The following BAZ1B variants were observed in gnomAD, a reference collection of about 807,000 sequenced individuals.
BAZ1B encodes tyrosine-protein kinase BAZ1B.
A neutral mutation model predicts 153.8 loss-of-function variants in BAZ1B; 22 were observed. The ratio of observed to expected loss-of-function variants is 0.14; its 90% CI spans 0.10 to 0.20. The LOEUF (loss-of-function observed/expected upper bound fraction) is 0.20, where lower values mean the gene tolerates loss of function less well. Ranked by LOEUF, BAZ1B falls within the 10% of genes least tolerant of loss-of-function variation. The pLI is 1.00. For missense variants in BAZ1B, 1,325 were observed against 1,799.3 expected (o/e 0.74, Z 4.77); for synonymous variants, 676 against 633.4 (o/e 1.07, Z -1.01).
rs117830225 is a variant in BAZ1B, at chr7:73,494,457, G to C, written c.572-1536C>G. Among the ~76,000 whole-genome samples the C allele has an allele frequency of 4.7e-4, 71 of 152,206 alleles. 2 individuals carry two copies. In the East Asian group the frequency reaches 0.013, roughly 28 times the overall value. On this transcript the variant is annotated intron_variant, in intron 4 of 19. Transcript: ENST00000339594. ...TTGGAAGATACAATGCTAAACATCTGAATTAGGCTGGGCACACAGGCTCAC... is the reference window on the plus strand; with the variant it reads ...TTGGAAGATACAATGCTAAACATCTCAATTAGGCTGGGCACACAGGCTCAC...
intron 13 of BAZ1B, among the ~76,000 whole-genome samples, chr7:73,455,165 G>A (rs559805933): frequency 1.9e-4 from 29 of 151,998 alleles, no homozygotes; most frequent in African/African-American, 5.8e-4. Context: ...GATTACAGGC[G>A]TGAGCCACCG....
At chr7:73,442,136 T>TTCC in intron 19 of BAZ1B, 45 bp downstream of exon 19, 1 of 573,492 alleles carries the variant, frequency 1.7e-6, no homozygotes, top group Non-Finnish European at 3.2e-6. Context: ...CTCGCTCGCC[T>TTCC]CCCTCCCACC....
intron 5 of BAZ1B, among the ~76,000 whole-genome samples, chr7:73,489,896 C>T (rs901095133): frequency 1.3e-5 from 2 of 152,162 alleles, no homozygotes; most frequent in Admixed American, 6.6e-5. Context: ...AATATGTATA[C>T]CCTTTCAGCA....
At chr7:73,474,433 C>A (rs1348214306) in intron 7 of BAZ1B, among the ~76,000 whole-genome samples, 1 of 152,028 alleles carries the variant, frequency 6.6e-6, no homozygotes, top group Non-Finnish European at 1.5e-5. Context: ...TAAAATGAAC[C>A]TCATCAAATT....
chr7:73,490,534 T>C (rs554561106), intron 5 of BAZ1B, among the ~76,000 whole-genome samples: 1 of 152,300 alleles, frequency 6.6e-6, no homozygotes, highest in South Asian at 2.1e-4. Context: ...CCAATACTTA[T>C]ATTTGTGAAC....
chr7:73,495,548 T>A (rs1231318870), intron 4 of BAZ1B, among the ~76,000 whole-genome samples: 1 of 152,170 alleles, frequency 6.6e-6, no homozygotes, highest in Non-Finnish European at 1.5e-5. Context: ...GAGACAGTGG[T>A]ATCAAGCTAA....
intron 3 of BAZ1B, among the ~76,000 whole-genome samples, chr7:73,505,794 G>T (rs797023447): frequency 2.0e-5 from 3 of 152,236 alleles, no homozygotes; most frequent in African/African-American, 7.2e-5. Flanking sequence ...CAGGTGATCT[G>T]CCCACCTTGG....
chr7:73,498,941 A>T (rs1583939314), intron 3 of BAZ1B, among the ~76,000 whole-genome samples: 2 of 152,252 alleles, frequency 1.3e-5, no homozygotes, highest in East Asian at 3.8e-4. Context: ...TAAAATGCCA[A>T]TATACAAGGC....
chr7:73,505,636 A>C (rs940389115), intron 3 of BAZ1B, among the ~76,000 whole-genome samples: 1 of 152,088 alleles, frequency 6.6e-6, no homozygotes, highest in Non-Finnish European at 1.5e-5. Context: ...AGAGGGAAAA[A>C]AAAAAAACAG....
intron 1 of BAZ1B, among the ~76,000 whole-genome samples, chr7:73,520,273 G>A (rs908237945): frequency 1.3e-5 from 2 of 151,390 alleles, no homozygotes; most frequent in African/African-American, 2.4e-5. Context: ...AGAGCTAGTG[G>A]AACTTCTCCA....
chr7:73,451,435 G>A (rs184176311), intron 13 of BAZ1B, among the ~76,000 whole-genome samples: 33 of 152,250 alleles, frequency 2.2e-4, no homozygotes, highest in Non-Finnish European at 1.5e-4. Context: ...TCTCCTAAAG[G>A]AAAACAGCCA....
chr7:73,493,833 T>C (rs1554576008), intron 4 of BAZ1B, among the ~76,000 whole-genome samples: 1 of 141,350 alleles, frequency 7.1e-6, no homozygotes, highest in African/African-American at 2.7e-5. Flanking sequence ...AGTGAAACCC[T>C]GTCTCCAAAA....
chr7:73,442,854 A>G (rs1233997552), intron 17 of BAZ1B, 26 bp from the exon 18 acceptor site: 1 of 1,559,244 alleles, frequency 6.4e-7, no homozygotes, highest in Non-Finnish European at 8.8e-7. Flanking sequence ...GAACAATGTT[A>G]TTACAGATTC....
At position 73,477,798 on chromosome 7, in the gene BAZ1B, T is replaced by G; in HGVS notation, c.1663A>C (p.Lys555Gln). 6.2e-7 allele frequency: 1 copy of G among 1,614,208 alleles called. No homozygotes were observed. The highest frequency in any genetic ancestry group is 8.5e-7 in the Non-Finnish European group (1 of 1,180,038). ...EYLKKKREEL[K>Q]KKLKEKAKER... ...TTGGCTTTTTCCTTCAACTTCTTTT[T>G]CAGCTCCTCCCGTTTCTTTTTCAAA... Residue 555 changes from lysine (K) to glutamine (Q), a missense_variant, in exon 7 of 20, where the codon AAA becomes CAA. Lys to Gln is a moderately conservative substitution (Grantham distance 53). This residue lies in a region of BAZ1B where 154 missense variants were observed against 266.3 expected (regional missense o/e 0.58). Transcript: ENST00000339594. The surrounding 1 kb of genome is among the most constrained non-coding windows in gnomAD (Gnocchi z 5.6).
chr7:73,513,638 G>T (rs1790674241), intron 1 of BAZ1B, among the ~76,000 whole-genome samples: 1 of 152,116 alleles, frequency 6.6e-6, no homozygotes, highest in South Asian at 2.1e-4. Context: ...CTAGGGGAGT[G>T]GAAGGGATGG....
At chr7:73,492,306 G>A (rs1440959934) in intron 5 of BAZ1B, among the ~76,000 whole-genome samples, 1 of 152,160 alleles carries the variant, frequency 6.6e-6, no homozygotes, top group Non-Finnish European at 1.5e-5. Context: ...GGGACTACAT[G>A]CGCCCGCCAC....
intron 5 of BAZ1B, among the ~76,000 whole-genome samples, chr7:73,491,653 G>A (rs1563389886): frequency 6.6e-6 from 1 of 152,046 alleles, no homozygotes; most frequent in South Asian, 2.1e-4. Context: ...CAAGGCTTCT[G>A]ATCACGAACC....
At chr7:73,442,098 T>C (rs1215493450) in intron 19 of BAZ1B, 83 bp downstream of exon 19, 50 of 1,017,768 alleles carry the variant, frequency 4.9e-5, no homozygotes, top group African/African-American at 6.4e-5. Context: ...CTGGACTCCC[T>C]GTGATCTCTT....
intron 7 of BAZ1B, among the ~76,000 whole-genome samples, chr7:73,475,920 T>C (rs1459749480): frequency 4.2e-5 from 4 of 95,666 alleles, no homozygotes; most frequent in African/African-American, 6.7e-5. Flanking sequence ...CGAGACTCCA[T>C]CTCAAAAAAA....
Sources: allele counts gnomAD v4.1 joint callset (sites outside exome capture counted in the v4.1 genomes callset), GRCh38; gene constraint gnomAD v4.1.1; regional missense constraint gnomAD v4.1.1; non-coding constraint Gnocchi (gnomAD v3.1); transcripts MANE v1.5; gene names NCBI Gene and HGNC (gene_info 2026-07-23, HGNC 2026-07-21).